CNTN6: variants seen among roughly 807,000 people sequenced by gnomAD.
CNTN6 encodes the protein contactin 6, also known as contactin-6.
In CNTN6, 137 loss-of-function variants were observed where a neutral mutation model predicts 122.8. The observed-to-expected ratio is 1.12, with a 90% CI of 0.97 to 1.29. The LOEUF (loss-of-function observed/expected upper bound fraction) is 1.29. Among genes scored for constraint, CNTN6 ranks in the 50% most tolerant of loss-of-function variants. The pLI is 0.00. For synonymous variants in CNTN6, 570 were observed against 426.0 expected, an observed-to-expected ratio of 1.34 and a Z score of -4.16; for missense variants, 1,634 against 1,223.4, an observed-to-expected ratio of 1.34 and a Z score of -5.01.
chr3:1,201,823 T>C (rs941575258), intron 2 of CNTN6, among the ~76,000 whole-genome samples: 7 of 152,094 alleles, frequency 4.6e-5, no homozygotes, highest in Non-Finnish European at 7.4e-5. Flanking sequence ...CAAGGACAAA[T>C]TAATAGCATA....
chr3:1,158,777 TGTGTGTATATATGTGTATATATATAC>T (rs1411023415), intron 2 of CNTN6, among the ~76,000 whole-genome samples: 3 of 30,594 alleles, frequency 9.8e-5, no homozygotes, highest in African/African-American at 1.5e-4. Flanking sequence ...CACATATATA[TGTGTGTATATATGTGTATATATATAC>T]ACACATATAT....
intron 1 of CNTN6, among the ~76,000 whole-genome samples, chr3:1,123,228 A>G (rs1021518980): frequency 3.3e-5 from 5 of 151,900 alleles, no homozygotes; most frequent in Admixed American, 6.6e-5. Context: ...CTGCAATCAC[A>G]TGAGTAGTTA....
intron 2 of CNTN6, 33 bp downstream of exon 2, chr3:1,148,096 A>T: frequency 6.5e-7 from 1 of 1,531,740 alleles, no homozygotes; most frequent in Non-Finnish European, 9.0e-7. Flanking sequence ...GTTTTGATTG[A>T]TAAATATATT....
intron 20 of CNTN6, 162 bp from the exon 21 acceptor site, chr3:1,401,271 C>T (rs1695668960): frequency 1.7e-6 from 1 of 586,198 alleles, no homozygotes; most frequent in Non-Finnish European, 3.0e-6. Context: ...AATAAATTTG[C>T]TTACTGTGAT....
intron 12 of CNTN6, among the ~76,000 whole-genome samples, chr3:1,368,499 G>T (rs1396171006): frequency 1.3e-5 from 2 of 152,128 alleles, no homozygotes; most frequent in East Asian, 3.9e-4. Flanking sequence ...TTTCATAAAA[G>T]TTGCATCAGA....
chr3:1,260,369 G>A (rs540585695), intron 4 of CNTN6, among the ~76,000 whole-genome samples: 2 of 152,206 alleles, frequency 1.3e-5, no homozygotes, highest in South Asian at 4.1e-4. Context: ...TTAGTGTCTA[G>A]AGGTGAGTCT....
In CNTN6 at chr3:1,278,549, C is replaced by A; in HGVS notation, c.454+41C>A. ...TTGGGTCATATCATCAATGCGGTCA[C>A]TTGGAGAGTGATGTGAGCACATCAG... is the stretch of plus-strand genomic sequence containing the variant. On this transcript the variant is annotated intron_variant, in intron 5 of 22. Transcript: ENST00000446702. 2.2e-6 allele frequency: 3 copies of A among 1,386,582 alleles called. No individual in the cohort carries two copies. The South Asian group carries it at 3.6e-5, about 17-fold the overall frequency. The allele number at this position is 1,386,582 out of a possible 1,614,324, so 85.9% of individuals were successfully genotyped here. A position where few individuals can be genotyped will look rare whatever the true frequency, so the allele number is the denominator to read the frequency against.
At chr3:1,256,523 A>C (rs1431358802) in intron 4 of CNTN6, among the ~76,000 whole-genome samples, 1 of 152,140 alleles carries the variant, frequency 6.6e-6, no homozygotes, top group African/African-American at 2.4e-5. Context: ...AGATGTCCTG[A>C]GGTTGGATAT....
chr3:1,403,284 C>A, intron 22 of CNTN6, 34 bp from the exon 23 acceptor site: 1 of 1,434,698 alleles, frequency 7.0e-7, no homozygotes, highest in South Asian at 1.2e-5. Flanking sequence ...TACTTTATCT[C>A]AAAATATTTT....
chr3:1,114,686 A>C (rs540330124), intron 1 of CNTN6, among the ~76,000 whole-genome samples: 34 of 152,366 alleles, frequency 2.2e-4, no homozygotes, highest in African/African-American at 7.9e-4. Context: ...TCAAGGAAGA[A>C]TACTTCGCAA....
At chr3:1,248,907 T>C (rs1260597870) in intron 4 of CNTN6, among the ~76,000 whole-genome samples, 4 of 152,204 alleles carry the variant, frequency 2.6e-5, no homozygotes, top group African/African-American at 9.6e-5. Context: ...TGCCAGACAT[T>C]CTGACATCTT....
At chr3:1,142,966 GTGTATATATA>G (rs1471517231) in intron 1 of CNTN6, among the ~76,000 whole-genome samples, 13 of 96,628 alleles carry the variant, frequency 1.3e-4, no homozygotes, top group African/African-American at 5.5e-4. Flanking sequence ...GTGTGTGTGT[GTGTATATATA>G]TATATATATA....
chr3:1,285,806 A>G (rs1439514801), intron 5 of CNTN6, among the ~76,000 whole-genome samples: 1 of 152,202 alleles, frequency 6.6e-6, no homozygotes, highest in Non-Finnish European at 1.5e-5. Flanking sequence ...CAGAAGAGAC[A>G]CTTAAAAGTT....
In CNTN6 at chr3:1,403,557, T is replaced by C; in HGVS notation, c.*139T>C. 1 of 498,634 alleles carries C rather than the reference T, an allele frequency of 2.0e-6. No homozygotes were observed. The highest frequency in any genetic ancestry group is 3.5e-6 in the Non-Finnish European group (1 of 285,686). 30.9% of individuals were successfully genotyped at this position (498,634 alleles called of 1,614,324 possible). A position where few individuals can be genotyped will look rare whatever the true frequency, so the allele number is the denominator to read the frequency against. On this transcript the variant is annotated 3_prime_UTR_variant, in exon 23 of 23. Transcript: ENST00000446702. ...AAAAAAGTATATTATTAAAATCCTG[T>C]AAATATCTATGGTATATTAATAAAA...
chr3:1,377,066 T>TA lies in CNTN6; in HGVS notation c.2158dup (p.Thr720AsnfsTer47). The stretch of plus-strand genomic sequence containing the variant: ...GAGGAAGTCGGTCTGAACTCGTCAT[T>TA]ACGTGGGAGGTAATTTTCTGTCCAA... On this transcript the variant is annotated frameshift_variant, in exon 17 of 23. Transcript: ENST00000446702. LOFTEE classifies it high-confidence loss of function. 5 of 1,597,182 alleles carry TA rather than the reference T, an allele frequency of 3.1e-6. No homozygotes were observed. Among genetic ancestry groups the TA allele is most frequent in the Non-Finnish European group, 4.3e-6 (5 of 1,170,624 alleles).
intron 12 of CNTN6, among the ~76,000 whole-genome samples, chr3:1,371,487 G>A (rs762261288): frequency 6.6e-6 from 1 of 151,998 alleles, no homozygotes; most frequent in Admixed American, 6.6e-5. Context: ...GCTCTTTGAT[G>A]AATTCTCAAC....
chr3:1,247,728 G>A (rs757486860), intron 4 of CNTN6, among the ~76,000 whole-genome samples: 3 of 152,146 alleles, frequency 2.0e-5, no homozygotes, highest in Admixed American at 6.5e-5. Context: ...GGGTGATTCC[G>A]TGGATTATAG....
At chr3:1,319,650 T>C (rs1700572074) in intron 7 of CNTN6, among the ~76,000 whole-genome samples, 2 of 151,548 alleles carry the variant, frequency 1.3e-5, no homozygotes, top group African/African-American at 2.4e-5. Context: ...TTGGATACTT[T>C]GCATGTATTT....
chr3:1,371,055 C>G (rs1335677827), intron 12 of CNTN6, among the ~76,000 whole-genome samples: 1 of 151,980 alleles, frequency 6.6e-6, no homozygotes, highest in East Asian at 1.9e-4. Flanking sequence ...TTATTACTTC[C>G]TACTTTCTAC....
Sources: gnomAD v4.1 joint callset for allele counts (sites outside exome capture counted in the v4.1 genomes callset) on GRCh38, gnomAD v4.1.1 for gene constraint, MANE v1.5 for transcripts, NCBI Gene and HGNC (gene_info 2026-07-23, HGNC 2026-07-21) for gene names.